POC1B: variants seen among roughly 807,000 people sequenced by gnomAD.
POC1B encodes POC1 centriolar protein homolog B.
A neutral mutation model predicts 60.6 loss-of-function variants in POC1B; 44 were observed. The observed-to-expected ratio is 0.73, with a 90% CI of 0.57 to 0.93. POC1B has a LOEUF of 0.93. Among genes scored for constraint, POC1B ranks in the 40% least tolerant of loss-of-function variants. The probability of loss-of-function intolerance (pLI) is 0.00; values close to 1 mark genes in which losing one functional copy is unlikely to be tolerated. For missense variants in POC1B, 555 were observed against 572.3 expected (o/e 0.97, Z 0.31); for synonymous variants, 180 against 198.9 (o/e 0.90, Z 0.80).
the POC1B span, among the ~76,000 whole-genome samples, chr12:89,402,960 A>G: frequency 6.7e-6 from 1 of 150,184 alleles, no homozygotes; most frequent in Non-Finnish European, 1.5e-5. Context: ...TCTGCCTCGC[A>G]CAGTGCTGGG....
the POC1B span, among the ~76,000 whole-genome samples, chr12:89,409,088 G>A: frequency 6.6e-6 from 1 of 152,098 alleles, no homozygotes; most frequent in East Asian, 1.9e-4. Context: ...CACTCTGATG[G>A]TAGTTCCTTT....
intron 4 of POC1B, among the ~76,000 whole-genome samples, chr12:89,476,719 T>C (rs576952082): frequency 8.6e-6 from 1 of 116,250 alleles, no homozygotes; most frequent in Non-Finnish European, 1.8e-5. Flanking sequence ...GATAGATAGA[T>C]AGATAGATAG....
chr12:89,466,590 C>T, intron 9 of POC1B, 180 bp downstream of exon 9: 2 of 504,872 alleles, frequency 4.0e-6, no homozygotes, highest in Non-Finnish European at 6.6e-6. Context: ...ACTTCTGGGC[C>T]TTCAAGAAAC....
chr12:89,503,267 G>A (rs1294738894), intron 2 of POC1B, among the ~76,000 whole-genome samples: 2 of 146,818 alleles, frequency 1.4e-5, no homozygotes, highest in South Asian at 2.2e-4. Flanking sequence ...GGCACGCGCC[G>A]CCACGCCTGA....
intron 1 of POC1B, 112 bp from the exon 2 acceptor site, chr12:89,525,316 G>T: frequency 6.9e-7 from 1 of 1,458,490 alleles, no homozygotes; most frequent in Non-Finnish European, 9.0e-7. Flanking sequence ...CCACCCAGGC[G>T]GCGGCTTGGC....
chr12:89,470,982 C>A (rs140353036), intron 6 of POC1B, among the ~76,000 whole-genome samples: 72 of 152,302 alleles, frequency 4.7e-4, no homozygotes, highest in African/African-American at 1.6e-3. Context: ...TTTTTCTATG[C>A]ACTGTGTAAG....
chr12:89,459,909 T>G, intron 9 of POC1B, 191 bp from the exon 10 acceptor site: 1 of 501,076 alleles, frequency 2.0e-6, no homozygotes, highest in Non-Finnish European at 3.5e-6. Flanking sequence ...TAAGAAAAGA[T>G]CATTTTGGTA....
chr12:89,482,063 G>A (rs561189577), intron 4 of POC1B, among the ~76,000 whole-genome samples: 18 of 152,240 alleles, frequency 1.2e-4, no homozygotes, highest in African/African-American at 2.9e-4. Flanking sequence ...AAAAATCACA[G>A]GACATATGAA....
intron 10 of POC1B, among the ~76,000 whole-genome samples, chr12:89,457,697 T>C (rs923018968): frequency 6.6e-6 from 1 of 152,242 alleles, no homozygotes; most frequent in African/African-American, 2.4e-5. Context: ...TGTGAAGTCA[T>C]TGATATTAGA....
chr12:89,438,232 C>T (rs889753378), intron 10 of POC1B, among the ~76,000 whole-genome samples: 2 of 151,782 alleles, frequency 1.3e-5, no homozygotes, highest in African/African-American at 2.4e-5. Context: ...CCGAGGCGGG[C>T]GGATCACGAG....
At chr12:89,438,326 G>A (rs1180948934) in intron 10 of POC1B, among the ~76,000 whole-genome samples, 2 of 151,872 alleles carry the variant, frequency 1.3e-5, no homozygotes, top group African/African-American at 2.4e-5. Flanking sequence ...GTGCGGTGGC[G>A]GGCACCTGTA....
intron 2 of POC1B, among the ~76,000 whole-genome samples, chr12:89,510,074 C>T (rs1015025765): frequency 5.9e-5 from 9 of 152,146 alleles, no homozygotes; most frequent in African/African-American, 2.2e-4. Flanking sequence ...GTCTCGAACT[C>T]CTGGCCTCAA....
At chr12:89,447,178 C>T (rs1881824894) in intron 10 of POC1B, among the ~76,000 whole-genome samples, 1 of 152,002 alleles carries the variant, frequency 6.6e-6, no homozygotes, top group Admixed American at 6.5e-5. Context: ...AATTATTTTT[C>T]TCAATTGTAA....
chr12:89,487,809 T>G (rs1868719747), intron 4 of POC1B, among the ~76,000 whole-genome samples: 1 of 152,130 alleles, frequency 6.6e-6, no homozygotes, highest in South Asian at 2.1e-4. Flanking sequence ...TTCTCTCCCC[T>G]CAGCTCTGGG....
chr12:89,442,968 A>C (rs1881599581), intron 10 of POC1B, among the ~76,000 whole-genome samples: 1 of 152,212 alleles, frequency 6.6e-6, no homozygotes, highest in Non-Finnish European at 1.5e-5. Flanking sequence ...CTCTGATAAA[A>C]CAGACTTTAA....
intron 10 of POC1B, among the ~76,000 whole-genome samples, chr12:89,447,682 A>G (rs1042066876): frequency 2.0e-5 from 3 of 152,118 alleles, no homozygotes; most frequent in African/African-American, 7.2e-5. Flanking sequence ...TTTACTCAGC[A>G]TGGTACTTTA....
chr12:89,468,855 A>G (rs1295171027), intron 7 of POC1B, among the ~76,000 whole-genome samples: 1 of 150,220 alleles, frequency 6.7e-6, no homozygotes, highest in Non-Finnish European at 1.5e-5. Context: ...TTCTAGATAT[A>G]AACAGCTTAT....
rs747956920 is a variant in POC1B, at chr12:89,466,825, A to G, written c.977T>C (p.Leu326Pro). 6.2e-7 allele frequency: 1 copy of G among 1,613,228 alleles called. No homozygotes were observed. The highest frequency in any genetic ancestry group is 1.1e-5 in the South Asian group (1 of 91,012). ...ATGTGGTGTTCTTGGGTAGATATCAAGAAGATGTGGTGGTGAATCAAAATG... is the reference window on the plus strand; with the variant it reads ...ATGTGGTGTTCTTGGGTAGATATCAGGAAGATGTGGTGGTGAATCAAAATG... Reference protein sequence around the residue: ...RLHFDSPPHLLDIYPRTPHPH... With the variant: ...RLHFDSPPHLPDIYPRTPHPH... Residue 326 changes from leucine (L) to proline (P), a missense_variant, in exon 9 of 12, where the codon CTT becomes CCT. Leu to Pro is a moderately conservative substitution (Grantham distance 98). Coordinates refer to ENST00000313546, the MANE Select transcript of POC1B (RefSeq NM_172240.3).
intron 4 of POC1B, among the ~76,000 whole-genome samples, chr12:89,486,066 C>T (rs895530689): frequency 6.6e-6 from 1 of 152,160 alleles, no homozygotes; most frequent in African/African-American, 2.4e-5. Flanking sequence ...CATCTTGTTA[C>T]CCCCTACATC....
Sources: allele counts gnomAD v4.1 joint callset (sites outside exome capture counted in the v4.1 genomes callset), GRCh38; gene constraint gnomAD v4.1.1; transcripts MANE v1.5; gene names NCBI Gene and HGNC (gene_info 2026-07-23, HGNC 2026-07-21).